The following PLCB1 variants were observed in gnomAD, a reference collection of about 807,000 sequenced individuals.
PLCB1 encodes 1-phosphatidylinositol 4,5-bisphosphate phosphodiesterase beta-1.
A neutral mutation model predicts 161.8 loss-of-function variants in PLCB1; 46 were observed. The ratio of observed to expected loss-of-function variants is 0.28; its 90% confidence interval spans 0.22 to 0.36. The LOEUF (loss-of-function observed/expected upper bound fraction) is 0.36, where lower values mean the gene tolerates loss of function less well. Among genes scored for constraint, PLCB1 ranks in the 10% least tolerant of loss-of-function variants. The pLI is 1.00. For missense variants in PLCB1, 1,016 were observed against 1,472.5 expected (o/e 0.69, Z 5.07); for synonymous variants, 517 against 503.7 (o/e 1.03, Z -0.35).
In PLCB1 at chr20:8,774,640, A is replaced by T; in HGVS notation, c.3032A>T (p.Lys1011Ile). The part of the protein sequence containing the change: ...MTQKLIDLKD[K>I]QQQQLLNLRQ... ...CAAAAGTTAATAGACTTGAAGGACA[A>T]ACAACAGCAGCAGCTGCTTAATCTT... Residue 1011 changes from lysine to isoleucine, a missense_variant, in exon 27 of 32, where the codon AAA (lysine) becomes ATA (isoleucine). Around this residue, in one of 10 missense-constraint regions of PLCB1, gnomAD observed 398 missense variants for 445.4 expected, o/e 0.89. Transcript: ENST00000338037. 6.2e-7 allele frequency: 1 copy of T among 1,614,102 alleles called. No homozygotes were observed. The highest frequency in any genetic ancestry group is 8.5e-7 in the Non-Finnish European group (1 of 1,179,940).
Position 8,883,219 on chromosome 20 carries a change from A to G in PLCB1, c.*1370A>G, listed in dbSNP as rs1453106512. The G allele has an allele frequency of 1.3e-5, 2 of 152,190 alleles. No individual in the cohort carries two copies. Among genetic ancestry groups the G allele is most frequent in the African/African-American group, 2.4e-5 (1 of 41,448 alleles). The allele number at this position is 152,190 out of a possible 1,614,324, so 9.4% of individuals were successfully genotyped here. ...ATATGGACATTTATTAGTATCTTCC[A>G]TAATTTTTAAGTCTGACACATTTCT... On this transcript the variant is annotated 3_prime_UTR_variant, in exon 32 of 32. Transcript: ENST00000338037.
chr20:8,808,022 CAG>C (rs1984623519), intron 31 of PLCB1, among the ~76,000 whole-genome samples: 1 of 152,112 alleles, frequency 6.6e-6, no homozygotes, highest in South Asian at 2.1e-4. Context: ...ACAGAGGTGG[CAG>C]TCACTGAGCT....
At chr20:8,650,894 C>T (rs554521908) in intron 7 of PLCB1, among the ~76,000 whole-genome samples, 1 of 152,128 alleles carries the variant, frequency 6.6e-6, no homozygotes, top group Non-Finnish European at 1.5e-5. Context: ...ACCTACTTTG[C>T]TCATACGGTG....
chr20:8,727,486 T>C, intron 17 of PLCB1, 93 bp downstream of exon 17: 1 of 723,332 alleles, frequency 1.4e-6, no homozygotes, highest in Non-Finnish European at 2.4e-6. Context: ...GAAAGATGCA[T>C]AAAATGGCTT....
chr20:8,369,246 C>G (rs1270496390), intron 2 of PLCB1, among the ~76,000 whole-genome samples: 5 of 152,198 alleles, frequency 3.3e-5, no homozygotes, highest in African/African-American at 1.2e-4. Flanking sequence ...TGACTTCCCT[C>G]TTTCCTTCAG....
intron 2 of PLCB1, among the ~76,000 whole-genome samples, chr20:8,354,018 T>TAA (rs796265064): frequency 1.5e-4 from 21 of 139,556 alleles, no homozygotes; most frequent in African/African-American, 5.3e-4. Flanking sequence ...GAAGGCTATT[T>TAA]AAAAAAAAAA....
At chr20:8,320,887 AAG>A (rs1244281675) in intron 2 of PLCB1, among the ~76,000 whole-genome samples, 1 of 151,734 alleles carries the variant, frequency 6.6e-6, no homozygotes, top group African/African-American at 2.4e-5. Flanking sequence ...AAAGGAAAGA[AAG>A]AAAGAGAGAA....
At chr20:8,259,582 C>T (rs906286235) in intron 2 of PLCB1, among the ~76,000 whole-genome samples, 1 of 152,066 alleles carries the variant, frequency 6.6e-6, no homozygotes, top group Non-Finnish European at 1.5e-5. Flanking sequence ...CACCACTGCA[C>T]TCCAGTCTGG....
At chr20:8,257,063 A>T (rs1428887044) in intron 2 of PLCB1, 3 of 152,164 alleles carry the variant, frequency 2.0e-5, no homozygotes, top group Admixed American at 6.6e-5. Flanking sequence ...ATTTAAAGGG[A>T]TCGTTTTACA....
intron 2 of PLCB1, among the ~76,000 whole-genome samples, chr20:8,258,260 C>A (rs903382628): frequency 4.6e-5 from 7 of 152,096 alleles, no homozygotes; most frequent in African/African-American, 1.7e-4. Flanking sequence ...ATGTACCAAC[C>A]ATAATATTGA....
chr20:8,845,993 G>A (rs904728142), intron 31 of PLCB1, among the ~76,000 whole-genome samples: 2 of 152,162 alleles, frequency 1.3e-5, no homozygotes, highest in African/African-American at 4.8e-5. Flanking sequence ...AGCAAAACTG[G>A]TATCACACGA....
At chr20:8,583,373 A>C (rs1344174284) in intron 3 of PLCB1, among the ~76,000 whole-genome samples, 1 of 152,262 alleles carries the variant, frequency 6.6e-6, no homozygotes, top group Admixed American at 6.5e-5. Flanking sequence ...ATTTTATCGC[A>C]ATTAAAAATA....
chr20:8,438,222 G>A (rs542554596), intron 3 of PLCB1, among the ~76,000 whole-genome samples: 83 of 152,182 alleles, frequency 5.5e-4, no homozygotes, highest in Middle Eastern at 3.4e-3. Flanking sequence ...ATGAATATCC[G>A]TATATAAAAG....
At chr20:8,460,562 G>A (rs149213153) in intron 3 of PLCB1, among the ~76,000 whole-genome samples, 2 of 152,322 alleles carry the variant, frequency 1.3e-5, no homozygotes, top group African/African-American at 2.4e-5. Context: ...AAGTTTCTGT[G>A]TGATGCCTGG....
intron 5 of PLCB1, among the ~76,000 whole-genome samples, chr20:8,647,556 C>T (rs56672943): frequency 0.057 from 8,621 of 152,174 alleles, 806 homozygotes; most frequent in African/African-American, 0.2. Flanking sequence ...AAACAATAAG[C>T]AAAATATGGT....
chr20:8,338,016 G>GA (rs1985650804), intron 2 of PLCB1, among the ~76,000 whole-genome samples: 1 of 152,160 alleles, frequency 6.6e-6, no homozygotes, highest in African/African-American at 2.4e-5. Flanking sequence ...ATGATGCCCA[G>GA]AAAGGTGCCT....
intron 3 of PLCB1, among the ~76,000 whole-genome samples, chr20:8,581,384 G>A (rs905716764): frequency 1.3e-5 from 2 of 152,132 alleles, no homozygotes; most frequent in East Asian, 3.9e-4. Context: ...TTTGGATATA[G>A]GAGGTGAAGG....
intron 3 of PLCB1, among the ~76,000 whole-genome samples, chr20:8,540,456 G>A (rs1985265929): frequency 6.6e-6 from 1 of 152,022 alleles, no homozygotes; most frequent in Non-Finnish European, 1.5e-5. Context: ...TATTTTAGAA[G>A]ACAGAAAAGA....
intron 26 of PLCB1, among the ~76,000 whole-genome samples, chr20:8,766,742 C>T (rs1982336363): frequency 6.6e-6 from 1 of 152,126 alleles, no homozygotes; most frequent in South Asian, 2.1e-4. Context: ...CTCAAATGGA[C>T]ATGAGTCACT....
Sources: gnomAD v4.1 joint callset for allele counts (sites outside exome capture counted in the v4.1 genomes callset) on GRCh38, gnomAD v4.1.1 for gene constraint, gnomAD v4.1.1 regional missense constraint, MANE v1.5 for transcripts, NCBI Gene and HGNC (gene_info 2026-07-23, HGNC 2026-07-21) for gene names.